PABPC4L: variants seen among roughly 807,000 people sequenced by gnomAD.
The protein encoded by PABPC4L is polyadenylate-binding protein 4-like.
For synonymous variants in PABPC4L, 169 were observed against 164.1 expected, an observed-to-expected ratio of 1.03 and a Z score of -0.23; for missense variants, 452 against 451.4, an observed-to-expected ratio of 1.00 and a Z score of -0.01.
chr4:134,173,481 C>G, the PABPC4L span, among the ~76,000 whole-genome samples: 136 of 152,088 alleles, frequency 8.9e-4, 1 homozygote, highest in South Asian at 0.017. Context: ...ATCACATGTT[C>G]TCACTCATAT....
chr4:133,996,801 G>A, the PABPC4L span, among the ~76,000 whole-genome samples: 2 of 152,156 alleles, frequency 1.3e-5, no homozygotes, highest in Non-Finnish European at 2.9e-5. Context: ...CATAAGTACA[G>A]ATTATTTAGT....
At chr4:134,190,645 A>G in the PABPC4L span, among the ~76,000 whole-genome samples, 1 of 152,018 alleles carries the variant, frequency 6.6e-6, no homozygotes, top group South Asian at 2.1e-4. Context: ...TACTCAATTC[A>G]TATATATATA....
the PABPC4L span, among the ~76,000 whole-genome samples, chr4:134,103,624 T>C: frequency 6.6e-6 from 1 of 151,750 alleles, no homozygotes; most frequent in Admixed American, 6.6e-5. Context: ...CATTCTGATG[T>C]ACTGGGTATT....
chr4:134,162,360 A>G, the PABPC4L span, among the ~76,000 whole-genome samples: 1 of 152,162 alleles, frequency 6.6e-6, no homozygotes, highest in African/African-American at 2.4e-5. Context: ...TCCCAGATCC[A>G]TAAAACAATT....
At chr4:134,005,902 G>A in the PABPC4L span, among the ~76,000 whole-genome samples, 22 of 151,746 alleles carry the variant, frequency 1.4e-4, no homozygotes, top group Admixed American at 4.6e-4. Context: ...AAAGTGAAAA[G>A]GTGCAGAGAA....
chr4:134,005,796 A>G, the PABPC4L span, among the ~76,000 whole-genome samples: 1 of 151,770 alleles, frequency 6.6e-6, no homozygotes, highest in Non-Finnish European at 1.5e-5. Flanking sequence ...TTGGGCTGTG[A>G]AAGTTGGCTT....
the PABPC4L span, among the ~76,000 whole-genome samples, chr4:134,038,750 T>C: frequency 6.6e-6 from 1 of 152,082 alleles, no homozygotes; most frequent in Non-Finnish European, 1.5e-5. Context: ...CTATCTATTT[T>C]GTTGATCTTT....
At chr4:134,060,943 G>A in the PABPC4L span, among the ~76,000 whole-genome samples, 1 of 152,198 alleles carries the variant, frequency 6.6e-6, no homozygotes, top group South Asian at 2.1e-4. Flanking sequence ...GTGGGAGTGA[G>A]GGAGGATGTC....
At chr4:134,179,053 C>T in the PABPC4L span, among the ~76,000 whole-genome samples, 1 of 151,976 alleles carries the variant, frequency 6.6e-6, no homozygotes, top group Non-Finnish European at 1.5e-5. Context: ...CAGAGAATCC[C>T]TCAAAATACT....
chr4:133,969,862 C>T, the PABPC4L span, among the ~76,000 whole-genome samples: 2 of 152,018 alleles, frequency 1.3e-5, no homozygotes, highest in African/African-American at 4.8e-5. Flanking sequence ...TACCCTTTTC[C>T]TCTTATCTCT....
the PABPC4L span, among the ~76,000 whole-genome samples, chr4:134,087,559 G>T: frequency 6.6e-6 from 1 of 152,270 alleles, no homozygotes; most frequent in South Asian, 2.1e-4. Context: ...CTGCAGACCA[G>T]TGCAATGCAG....
the PABPC4L span, among the ~76,000 whole-genome samples, chr4:134,007,567 A>C: frequency 6.6e-6 from 1 of 151,624 alleles, no homozygotes; most frequent in East Asian, 1.9e-4. Flanking sequence ...ATATGTAATA[A>C]GGTTAAATAG....
the PABPC4L span, among the ~76,000 whole-genome samples, chr4:134,098,139 C>T: frequency 6.6e-6 from 1 of 151,710 alleles, no homozygotes; most frequent in African/African-American, 2.4e-5. Flanking sequence ...TGAAGAAAAG[C>T]AATTGGTTAG....
chr4:134,147,726 AGT>A, the PABPC4L span, among the ~76,000 whole-genome samples: 60 of 145,386 alleles, frequency 4.1e-4, no homozygotes, highest in Middle Eastern at 7.1e-3. Flanking sequence ...CAGAAATTAC[AGT>A]GTGTGTGTGT....
the PABPC4L span, among the ~76,000 whole-genome samples, chr4:134,025,722 C>T: frequency 6.6e-6 from 1 of 151,984 alleles, no homozygotes; most frequent in African/African-American, 2.4e-5. Flanking sequence ...TGGGAAATCT[C>T]TTTTTAAATA....
the PABPC4L span, among the ~76,000 whole-genome samples, chr4:134,094,737 G>A: frequency 2.6e-5 from 4 of 151,558 alleles, no homozygotes; most frequent in African/African-American, 7.2e-5. Flanking sequence ...ATTAAAGGTA[G>A]CATTTTTCTT....
chr4:134,160,842 T>G, the PABPC4L span, among the ~76,000 whole-genome samples: 1 of 150,458 alleles, frequency 6.6e-6, no homozygotes, highest in Non-Finnish European at 1.5e-5. Context: ...AAAGTAAAAT[T>G]TAAAAGAAAA....
chr4:134,189,409 C>T, the PABPC4L span, among the ~76,000 whole-genome samples: 2 of 151,884 alleles, frequency 1.3e-5, no homozygotes, highest in South Asian at 4.2e-4. Flanking sequence ...TGTACACACA[C>T]ATACACACAT....
chr4:134,036,161 A>G, the PABPC4L span, among the ~76,000 whole-genome samples: 15 of 152,216 alleles, frequency 9.9e-5, no homozygotes, highest in Middle Eastern at 3.4e-3. Flanking sequence ...ATAGATAATA[A>G]AAGTTTCTCA....
Sources: allele counts gnomAD v4.1 joint callset (sites outside exome capture counted in the v4.1 genomes callset), GRCh38; gene constraint gnomAD v4.1.1; transcripts MANE v1.5; gene names NCBI Gene and HGNC (gene_info 2026-07-23, HGNC 2026-07-21).